Variants in PRKDC observed in about 807,000 individuals in gnomAD.
PRKDC encodes DNA-dependent protein kinase catalytic subunit.
Under a neutral mutation model 486.9 loss-of-function variants are expected in PRKDC, and 82 were observed. The ratio of observed to expected loss-of-function variants is 0.17; its 90% CI spans 0.14 to 0.20. The LOEUF is 0.20. PRKDC is among the 10% of genes least tolerant of loss of function. PRKDC has a pLI of 1.00. For synonymous variants in PRKDC, 1,895 were observed against 1,837.0 expected, an observed-to-expected ratio of 1.03 and a Z score of -0.81; for missense variants, 4,504 against 5,038.2, an observed-to-expected ratio of 0.89 and a Z score of 3.21.
At chr8:47,947,806 G>A (rs984173544) in intron 7 of PRKDC, among the ~76,000 whole-genome samples, 3 of 152,092 alleles carry the variant, frequency 2.0e-5, no homozygotes, top group Admixed American at 6.5e-5. Flanking sequence ...TACTTGGGAG[G>A]CTCAGGCACA....
At chr8:47,934,931 A>T (rs950233733) in intron 14 of PRKDC, 78 bp downstream of exon 14, 87 of 1,210,466 alleles carry the variant, frequency 7.2e-5, no homozygotes, top group Non-Finnish European at 9.5e-5. Flanking sequence ...TTGCAAAATT[A>T]TATTCGAAAA....
intron 11 of PRKDC, among the ~76,000 whole-genome samples, chr8:47,936,994 C>T (rs2090363426): frequency 2.7e-5 from 4 of 150,882 alleles, no homozygotes; most frequent in Admixed American, 2.0e-4. Context: ...CGGCCCATGC[C>T]TGTAATCCCA....
In PRKDC at chr8:47,834,832, AG is replaced by A. The variant is rs1300693991; in HGVS notation, c.7952-437del. 7.3e-5 allele frequency among the ~76,000 whole-genome samples: 11 copies of A among 151,590 alleles called. No homozygotes were observed. The South Asian group carries it at 2.1e-3, about 29-fold the overall frequency. On this transcript the variant is annotated intron_variant, in intron 58 of 85. Transcript: ENST00000314191. The stretch of plus-strand genomic sequence containing the variant: ...CAGCCTCCCGAGTAGCTGGGACTAC[AG>A]GCGCCCGCTACCACGCCCGGCTAAT...
chr8:47,777,903 A>C, intron 83 of PRKDC, 29 bp from the exon 84 acceptor site: 1 of 1,601,428 alleles, frequency 6.2e-7, no homozygotes, highest in Non-Finnish European at 8.5e-7. Flanking sequence ...AAGGAGCAGA[A>C]TATGTAAGCC....
Position 47,807,090 on chromosome 8 carries a change from T to A in PRKDC, c.9747+47A>T, listed in dbSNP as rs758678099. The A allele has an allele frequency of 2.6e-6, 4 of 1,551,784 alleles. No homozygotes were observed. In the East Asian group the frequency reaches 9.2e-5, roughly 36 times the overall value. On this transcript the variant is annotated intron_variant, in intron 69 of 85. Coordinates refer to ENST00000314191, the MANE Select transcript of PRKDC (RefSeq NM_006904.7). The stretch of plus-strand genomic sequence containing the variant: ...AGCTAAAATTAGAGAAAAGCTAATT[T>A]AGCAAAATCCTGTGACACAGCAGGG...
chr8:47,904,921 T>C lies in PRKDC; in HGVS notation c.2990A>G (p.Asn997Ser). Residue 997 changes from asparagine to serine, a missense_variant, in exon 26 of 86, where the codon AAC becomes AGC. Transcript: ENST00000314191. ...ATCCTGACTTTCAAATTTCTTGTTG[T>C]TAGTGAACCAGTGAATCAGCTGCAT... is the stretch of plus-strand genomic sequence containing the variant. ...LVMQLIHWFT[N>S]NKKFESQDTV... 6.2e-7 allele frequency: 1 copy of C among 1,613,810 alleles called. No homozygotes were observed. Among genetic ancestry groups the C allele is most frequent in the Non-Finnish European group, 8.5e-7 (1 of 1,179,770 alleles).
At chr8:47,936,186 C>T (rs981889788) in intron 12 of PRKDC, among the ~76,000 whole-genome samples, 167 bp downstream of exon 12, 1 of 152,034 alleles carries the variant, frequency 6.6e-6, no homozygotes, top group African/African-American at 2.4e-5. Flanking sequence ...TTCTGGATAA[C>T]AAAAAATCGA....
chr8:47,853,442 G>C (rs1435753978), intron 51 of PRKDC, among the ~76,000 whole-genome samples: 1 of 152,174 alleles, frequency 6.6e-6, no homozygotes, highest in African/African-American at 2.4e-5. Context: ...GGAAACCCAG[G>C]GAGTGGCCAG....
chr8:47,897,500 A>AT (rs1294437708), intron 29 of PRKDC, among the ~76,000 whole-genome samples: 2 of 152,210 alleles, frequency 1.3e-5, no homozygotes, highest in African/African-American at 2.4e-5. Context: ...GCTCATGTTC[A>AT]TTTTTTCATG....
At chr8:47,937,416 G>A (rs2090370538) in intron 11 of PRKDC, among the ~76,000 whole-genome samples, 2 of 152,238 alleles carry the variant, frequency 1.3e-5, no homozygotes, top group African/African-American at 4.8e-5. Flanking sequence ...GGACAAATGA[G>A]AGGCAGTCCC....
chr8:47,842,440 A>G (rs1563762765), intron 54 of PRKDC, among the ~76,000 whole-genome samples: 1 of 152,152 alleles, frequency 6.6e-6, no homozygotes, highest in Non-Finnish European at 1.5e-5. Flanking sequence ...GAGATCCTAT[A>G]CAGGAGAGAT....
chr8:47,820,628 C>G (rs2087568193), intron 66 of PRKDC, 91 bp downstream of exon 66: 1 of 811,968 alleles, frequency 1.2e-6, no homozygotes, highest in East Asian at 3.6e-5. Context: ...TTAAAAATAT[C>G]CTAAAAATAG....
At chr8:47,857,112 G>A (rs2088558859) in intron 49 of PRKDC, 44 bp downstream of exon 49, 1 of 1,585,244 alleles carries the variant, frequency 6.3e-7, no homozygotes, top group East Asian at 2.3e-5. Context: ...ATAGGCTATT[G>A]GCAAAGGATA....
At chr8:47,935,415 G>A (rs542162539) in intron 13 of PRKDC, among the ~76,000 whole-genome samples, 6 of 152,062 alleles carry the variant, frequency 3.9e-5, no homozygotes, top group East Asian at 1.9e-4. Flanking sequence ...CAAGAGAATC[G>A]CTTGAACCCA....
intron 4 of PRKDC, among the ~76,000 whole-genome samples, chr8:47,955,258 C>T (rs1283289822): frequency 6.6e-6 from 1 of 151,166 alleles, no homozygotes; most frequent in African/African-American, 2.4e-5. Context: ...GTCAGGAGAT[C>T]GAGACCATCC....
At chr8:47,902,478 C>T in intron 27 of PRKDC, 91 bp downstream of exon 27, 2 of 864,620 alleles carry the variant, frequency 2.3e-6, no homozygotes, top group South Asian at 3.6e-5. Flanking sequence ...TTACTAAATG[C>T]AGGAAATATG....
chr8:47,946,299 CCAA>C lies in PRKDC; in HGVS notation c.722-2273_722-2271del, dbSNP rs561479496. On this transcript the variant is annotated intron_variant, in intron 7 of 85. Transcript: ENST00000314191. ...TGAGCCAAGATCGTGCCACTGCACT[CCAA>C]CAAGACTCTGCCTCAAAAAAAAACC... is the stretch of plus-strand genomic sequence containing the variant. 3.9e-4 allele frequency among the ~76,000 whole-genome samples: 60 copies of C among 152,186 alleles called. 1 individual carries two copies. The highest frequency in any genetic ancestry group is 7.2e-4 in the Non-Finnish European group (49 of 67,988).
intron 31 of PRKDC, 52 bp downstream of exon 31, chr8:47,893,087 A>G: frequency 1.3e-6 from 2 of 1,507,048 alleles, no homozygotes; most frequent in Non-Finnish European, 1.8e-6. Context: ...GCCACTGCCC[A>G]GGGTGACTCT....
chr8:47,913,756 G>T, intron 24 of PRKDC, 145 bp downstream of exon 24: 1 of 759,316 alleles, frequency 1.3e-6, no homozygotes, highest in Non-Finnish European at 1.9e-6. Context: ...CTTCTAATAA[G>T]TAAGTAGTTT....
Sources: gnomAD v4.1 joint callset for allele counts (sites outside exome capture counted in the v4.1 genomes callset) on GRCh38, gnomAD v4.1.1 for gene constraint, MANE v1.5 for transcripts, NCBI Gene and HGNC (gene_info 2026-07-23, HGNC 2026-07-21) for gene names.